Variants in CSMD1 observed in about 807,000 individuals in gnomAD.
The protein encoded by CSMD1 is CUB and Sushi multiple domains 1, also known as CUB and sushi domain-containing protein 1.
In CSMD1, 213 loss-of-function variants were observed where a neutral mutation model predicts 417.5. That is an observed-to-expected ratio of 0.51 (90% CI 0.46 to 0.57). The LOEUF is 0.57. Ranked by LOEUF, CSMD1 falls within the 20% of genes least tolerant of loss-of-function variation. The pLI, the probability that CSMD1 is intolerant of heterozygous loss-of-function variation, is 0.00. For synonymous variants in CSMD1, 2,862 were observed against 1,736.8 expected (o/e 1.65, Z -16.11); for missense variants, 6,923 against 4,529.7 (o/e 1.53, Z -15.17).
In CSMD1 at chr8:4,560,857, T is replaced by C. The variant is rs562771429; in HGVS notation, c.302+76485A>G. Among the ~76,000 whole-genome samples, 35 of 152,328 alleles carry C rather than the reference T, an allele frequency of 2.3e-4. No homozygotes were observed. In the South Asian group the frequency reaches 6.8e-3, roughly 30 times the overall value. On this transcript the variant is annotated intron_variant, in intron 2 of 69. Transcript: ENST00000635120. Reference sequence around the variant, plus strand: ...CAAGAGATGTTCACCAGCAAATCTCTTGGACATCAAATCCCACAGTGGTGT... The same window carrying C: ...CAAGAGATGTTCACCAGCAAATCTCCTGGACATCAAATCCCACAGTGGTGT...
chr8:4,846,467 G>C (rs570072718), intron 1 of CSMD1, among the ~76,000 whole-genome samples: 2 of 152,272 alleles, frequency 1.3e-5, no homozygotes, highest in African/African-American at 2.4e-5. Flanking sequence ...CTCTGTCTTG[G>C]TTGACTGAGC....
At chr8:4,467,436 C>A (rs1468071732) in intron 2 of CSMD1, among the ~76,000 whole-genome samples, 1 of 150,844 alleles carries the variant, frequency 6.6e-6, no homozygotes, top group Non-Finnish European at 1.5e-5. Context: ...ACCAAGCAGA[C>A]ATCCTTCTAA....
At chr8:4,188,006 A>G (rs1431110770) in intron 3 of CSMD1, among the ~76,000 whole-genome samples, 1 of 151,964 alleles carries the variant, frequency 6.6e-6, no homozygotes, top group African/African-American at 2.4e-5. Flanking sequence ...AAAAGCCAAT[A>G]CCTTTTTTTA....
At chr8:2,992,134 C>G (rs1356349028) in intron 54 of CSMD1, among the ~76,000 whole-genome samples, 1 of 152,124 alleles carries the variant, frequency 6.6e-6, no homozygotes, top group Non-Finnish European at 1.5e-5. Flanking sequence ...CATATGCATG[C>G]ACACACAGAC....
intron 4 of CSMD1, among the ~76,000 whole-genome samples, chr8:4,023,333 C>G (rs1261298248): frequency 6.6e-6 from 1 of 152,112 alleles, no homozygotes; most frequent in Non-Finnish European, 1.5e-5. Context: ...CTGTTTGAGC[C>G]CATTAATACT....
chr8:3,997,815 C>G, intron 5 of CSMD1, 88 bp downstream of exon 5: 1 of 1,236,458 alleles, frequency 8.1e-7, no homozygotes, highest in Non-Finnish European at 1.1e-6. Context: ...CATGAACGTC[C>G]AGAGACAAGC....
intron 3 of CSMD1, among the ~76,000 whole-genome samples, chr8:4,235,466 G>T (rs1220485700): frequency 6.6e-6 from 1 of 151,928 alleles, no homozygotes; most frequent in Non-Finnish European, 1.5e-5. Context: ...TGCTGAGTGT[G>T]ATTTGGAAAC....
chr8:3,651,916 T>C (rs1797876277), intron 7 of CSMD1, among the ~76,000 whole-genome samples: 1 of 150,148 alleles, frequency 6.7e-6, no homozygotes, highest in African/African-American at 2.5e-5. Context: ...CTTACCATCA[T>C]CAGAGCACCT....
chr8:4,846,466 G>T (rs1285105710), intron 1 of CSMD1, among the ~76,000 whole-genome samples: 1 of 152,158 alleles, frequency 6.6e-6, no homozygotes, highest in South Asian at 2.1e-4. Context: ...TCTCTGTCTT[G>T]GTTGACTGAG....
chr8:3,643,684 G>A (rs1231080738), intron 7 of CSMD1, among the ~76,000 whole-genome samples: 1 of 117,988 alleles, frequency 8.5e-6, no homozygotes, highest in African/African-American at 3.7e-5. Context: ...CTGGGCGACA[G>A]CGTGAGACTC....
chr8:4,633,184 C>A (rs1331891647), intron 2 of CSMD1, among the ~76,000 whole-genome samples: 1 of 121,716 alleles, frequency 8.2e-6, no homozygotes, highest in Non-Finnish European at 1.8e-5. Flanking sequence ...TTCGTAGGAA[C>A]ATTTACTATT....
chr8:3,592,433 C>A (rs1269354719), intron 8 of CSMD1, among the ~76,000 whole-genome samples: 2 of 152,068 alleles, frequency 1.3e-5, no homozygotes, highest in South Asian at 2.1e-4. Context: ...TCTCAAGCAG[C>A]AGAAAACACA....
At chr8:4,152,051 T>C (rs745913012) in intron 3 of CSMD1, among the ~76,000 whole-genome samples, 1 of 152,184 alleles carries the variant, frequency 6.6e-6, no homozygotes, top group Admixed American at 6.5e-5. Context: ...TGACTATGCT[T>C]TAATTTTTTT....
chr8:4,274,481 A>C (rs567051799), intron 3 of CSMD1, among the ~76,000 whole-genome samples: 1 of 152,300 alleles, frequency 6.6e-6, no homozygotes, highest in Non-Finnish European at 1.5e-5. Context: ...GCATTAATTG[A>C]AACATCCAAG....
intron 7 of CSMD1, among the ~76,000 whole-genome samples, chr8:3,671,702 T>A (rs1799077044): frequency 6.6e-6 from 1 of 151,636 alleles, no homozygotes; most frequent in Non-Finnish European, 1.5e-5. Context: ...AGCCTCTTCA[T>A]CTTATTCGTG....
chr8:4,393,141 A>C (rs1044342019), intron 3 of CSMD1, among the ~76,000 whole-genome samples: 1 of 151,374 alleles, frequency 6.6e-6, no homozygotes, highest in South Asian at 2.1e-4. Context: ...ACGCCCGACT[A>C]ATTTTTGTAT....
At chr8:2,960,951 T>TATATATATATATATATAC (rs1554472466) in intron 62 of CSMD1, among the ~76,000 whole-genome samples, 190 bp downstream of exon 62, 36 of 99,494 alleles carry the variant, frequency 3.6e-4, no homozygotes, top group African/African-American at 2.1e-3. Context: ...TATATATATA[T>TATATATATATATATATAC]ATATATATAT....
chr8:4,931,327 G>A (rs1292693671), intron 1 of CSMD1, among the ~76,000 whole-genome samples: 1 of 152,100 alleles, frequency 6.6e-6, no homozygotes, highest in Non-Finnish European at 1.5e-5. Context: ...TCGCTACGAG[G>A]AGTAAACATC....
At chr8:3,994,693 T>C (rs1815065365) in intron 5 of CSMD1, among the ~76,000 whole-genome samples, 1 of 152,140 alleles carries the variant, frequency 6.6e-6, no homozygotes. Context: ...CCAACGTATG[T>C]TTAATATAAA....
Sources: allele counts gnomAD v4.1 joint callset (sites outside exome capture counted in the v4.1 genomes callset), GRCh38; gene constraint gnomAD v4.1.1; transcripts MANE v1.5; gene names NCBI Gene and HGNC (gene_info 2026-07-23, HGNC 2026-07-21).